Variants in IFRD1 observed in about 807,000 individuals in gnomAD.
The protein encoded by IFRD1 is interferon-related developmental regulator 1.
Under a neutral mutation model 52.9 loss-of-function variants are expected in IFRD1, and 35 were observed. That is an observed-to-expected ratio of 0.66 (90% confidence interval 0.51 to 0.88). IFRD1 has a LOEUF of 0.88. Among genes scored for constraint, IFRD1 ranks in the 40% least tolerant of loss-of-function variants. The pLI, the probability that IFRD1 is intolerant of heterozygous loss-of-function variation, is 0.00. For missense variants in IFRD1, 517 were observed against 550.8 expected, an observed-to-expected ratio of 0.94 and a Z score of 0.61; for synonymous variants, 184 against 188.4, an observed-to-expected ratio of 0.98 and a Z score of 0.19.
In IFRD1 at chr7:112,462,065, A is replaced by G. The variant is rs761586205; in HGVS notation, c.683A>G (p.Asp228Gly). 6.2e-7 allele frequency: 1 copy of G among 1,613,494 alleles called. No individual in the cohort carries two copies. Among genetic ancestry groups the G allele is most frequent in the Non-Finnish European group, 8.5e-7 (1 of 1,179,632 alleles). ...ACTAAATCCTATCTCAAAGAGAAAG[A>G]CACTACTGTTATTTGCAGCACTCCT... ...IFTKSYLKEK[D>G]TTVICSTPNT... is the part of the protein sequence containing the mutation. Residue 228 changes from aspartate to glycine, a missense_variant, in exon 7 of 12, where the codon GAC becomes GGC. Coordinates refer to ENST00000403825, the MANE Select transcript of IFRD1 (RefSeq NM_001550.4).
chr7:112,472,330 A>G lies in IFRD1; in HGVS notation c.1153A>G (p.Met385Val). The change falls in exon 10 of 12, where the codon ATG becomes GTG. Residue 385 changes from methionine to valine, a missense_variant. By Grantham distance (21) the Met-to-Val change is conservative. Transcript: ENST00000403825. ...DTFKEVLGSG[M>V]QYHLQSNEFL... ...CTTTAAGGAGGTTCTTGGATCAGGG[A>G]TGCAGTACCACTTGCAGGTAAGTGT... is the stretch of plus-strand genomic sequence containing the variant. 6.2e-7 allele frequency: 1 copy of G among 1,614,048 alleles called. No homozygotes were observed. Among genetic ancestry groups the G allele is most frequent in the Non-Finnish European group, 8.5e-7 (1 of 1,179,936 alleles).
At chr7:112,446,268 C>T (rs1002614112), upstream of IFRD1, 3 of 218,182 alleles carry the variant, frequency 1.4e-5, no homozygotes, top group South Asian at 2.2e-4. Flanking sequence ...CTGAAGAGCA[C>T]TCTAGATGAA....
chr7:112,462,196 T>C lies in IFRD1; in HGVS notation c.797+17T>C, dbSNP rs369195952. The C allele has an allele frequency of 1.9e-6, 3 of 1,613,026 alleles. No individual in the cohort carries two copies. The Admixed American group carries it at 5.0e-5, about 27-fold the overall frequency. On this transcript the variant is annotated intron_variant, in intron 7 of 11. Coordinates refer to ENST00000403825, the MANE Select transcript of IFRD1 (RefSeq NM_001550.4). ...GCTTGAGATGTATGTATTTTTAGTT[T>C]CATATTTTATAAAAGCAACATTTAG...
chr7:112,463,657 C>G (rs967665398), intron 8 of IFRD1, among the ~76,000 whole-genome samples: 2 of 151,972 alleles, frequency 1.3e-5, no homozygotes, highest in African/African-American at 4.8e-5. Context: ...ACCAGATGTC[C>G]CAATTTTTAA....
intron 8 of IFRD1, among the ~76,000 whole-genome samples, chr7:112,464,556 CAT>C (rs1795561991): frequency 6.6e-6 from 1 of 152,170 alleles, no homozygotes; most frequent in African/African-American, 2.4e-5. Context: ...GTCACAACCT[CAT>C]AGAGTTTTTG....
At chr7:112,467,653 T>C (rs2117324789) in intron 8 of IFRD1, 1 of 321,758 alleles carries the variant, frequency 3.1e-6, no homozygotes, top group African/African-American at 2.1e-5. Flanking sequence ...AGAAGCTATA[T>C]TGGTATATCT....
upstream of IFRD1, among the ~76,000 whole-genome samples, chr7:112,446,667 T>C (rs767794636): frequency 2.0e-5 from 3 of 152,080 alleles, no homozygotes; most frequent in Non-Finnish European, 4.4e-5. Flanking sequence ...TAAGCTCAGA[T>C]CTGAATGGCA....
At chr7:112,445,789 A>C (rs1278243207), upstream of IFRD1, among the ~76,000 whole-genome samples, 2 of 152,230 alleles carry the variant, frequency 1.3e-5, no homozygotes, top group African/African-American at 4.8e-5. Flanking sequence ...AAGGTGCTAC[A>C]TGTGTGTTTC....
chr7:112,464,420 T>G (rs1269676387), intron 8 of IFRD1, among the ~76,000 whole-genome samples: 1 of 152,192 alleles, frequency 6.6e-6, no homozygotes, highest in Non-Finnish European at 1.5e-5. Context: ...TATAACCAAT[T>G]AGATAATAGT....
At chr7:112,428,333 A>G (rs1794471552) in intron 1 of IFRD1, among the ~76,000 whole-genome samples, 1 of 152,208 alleles carries the variant, frequency 6.6e-6, no homozygotes, top group Admixed American at 6.5e-5. Context: ...ACCCATAGAT[A>G]GAGTATTCTG....
chr7:112,425,553 T>C (rs773481257), intron 1 of IFRD1, among the ~76,000 whole-genome samples: 31 of 152,198 alleles, frequency 2.0e-4, no homozygotes, highest in Non-Finnish European at 3.2e-4. Context: ...TCAGGGGCTG[T>C]TGGACCTCTG....
At position 112,450,701 on chromosome 7, in the gene IFRD1, A is replaced by G; in HGVS notation, c.13A>G (p.Lys5Glu). The G allele has an allele frequency of 6.2e-7, 1 of 1,612,860 alleles. No homozygotes were observed. The highest frequency in any genetic ancestry group is 1.7e-5 in the Admixed American group (1 of 60,012). ...CGGGCGTCCCACGATGCCGAAGAAC[A>G]AGAAGCGGAACACTCCCCACCGCGG... MPKNKKRNTPHRGSS... is the reference protein window; with the variant it reads MPKNEKRNTPHRGSS... Residue 5 changes from lysine to glutamate, a missense_variant, in exon 1 of 12, where the codon AAG (lysine) becomes GAG (glutamate). Lys to Glu is a moderately conservative substitution (Grantham distance 56). Transcript: ENST00000403825.
chr7:112,457,032 A>AACTC lies in IFRD1; in HGVS notation c.404_405insCTCA (p.Lys135AsnfsTer5). The AACTC allele has an allele frequency of 6.2e-7, 1 of 1,613,268 alleles. No homozygotes were observed. The highest frequency in any genetic ancestry group is 8.5e-7 in the Non-Finnish European group (1 of 1,179,412). On this transcript the variant is annotated frameshift_variant, in exon 4 of 12. Transcript: ENST00000403825. LOFTEE classifies it high-confidence loss of function. Reference sequence around the variant, plus strand: ...AACTGATAGCATTGAACGCTGCCTGAAAAAAGGTAATGCCCTTATTTTTGA... The same window carrying AACTC: ...AACTGATAGCATTGAACGCTGCCTGAACTCAAAAAGGTAATGCCCTTATTTTTGA...
intron 1 of IFRD1, among the ~76,000 whole-genome samples, chr7:112,445,242 AT>A (rs748843801): frequency 3.3e-5 from 5 of 151,534 alleles, no homozygotes; most frequent in African/African-American, 7.3e-5. Flanking sequence ...AATTTTTTAT[AT>A]TTTTAGTAGA....
chr7:112,470,339 G>A (rs917307521), intron 9 of IFRD1, among the ~76,000 whole-genome samples: 12 of 152,156 alleles, frequency 7.9e-5, no homozygotes, highest in Admixed American at 2.0e-4. Flanking sequence ...AGAAAGTAAC[G>A]TTTCACTTAG....
intron 8 of IFRD1, among the ~76,000 whole-genome samples, chr7:112,466,906 C>A (rs1022742817): frequency 1.3e-5 from 2 of 152,058 alleles, no homozygotes; most frequent in Non-Finnish European, 2.9e-5. Context: ...TATTTTAATA[C>A]CCACTTTGCA....
At chr7:112,436,745 A>C (rs1009174540) in intron 1 of IFRD1, among the ~76,000 whole-genome samples, 1 of 152,094 alleles carries the variant, frequency 6.6e-6, no homozygotes, top group East Asian at 1.9e-4. Flanking sequence ...ACAACCAACA[A>C]ACCATTTATT....
chr7:112,473,316 A>G (rs1479236891), intron 11 of IFRD1, among the ~76,000 whole-genome samples: 3 of 152,186 alleles, frequency 2.0e-5, no homozygotes, highest in Admixed American at 6.5e-5. Flanking sequence ...AAGTATTTAC[A>G]TAGTCCTTTT....
At chr7:112,458,053 A>T (rs1489812706) in intron 4 of IFRD1, 2 of 152,194 alleles carry the variant, frequency 1.3e-5, no homozygotes, top group Non-Finnish European at 2.9e-5. Context: ...CCAACTTTTT[A>T]AAGATAACAC....
Sources: allele counts gnomAD v4.1 joint callset (sites outside exome capture counted in the v4.1 genomes callset), GRCh38; gene constraint gnomAD v4.1.1; transcripts MANE v1.5; gene names NCBI Gene and HGNC (gene_info 2026-07-23, HGNC 2026-07-21).